PRIMA1: variants seen among roughly 807,000 people sequenced by gnomAD.
PRIMA1 encodes proline-rich membrane anchor 1.
In PRIMA1, 7 loss-of-function variants were observed where a neutral mutation model predicts 17.5. That is an observed-to-expected ratio of 0.40 (90% CI 0.23 to 0.75). The LOEUF is 0.75. Ranked by LOEUF, PRIMA1 falls within the 30% of genes least tolerant of loss-of-function variation. The pLI is 0.37. For missense variants in PRIMA1, 200 were observed against 201.8 expected (o/e 0.99, Z 0.05); for synonymous variants, 97 against 77.9 (o/e 1.25, Z -1.29).
intron 3 of PRIMA1, among the ~76,000 whole-genome samples, chr14:93,742,377 C>T (rs531556792): frequency 3.1e-4 from 47 of 152,234 alleles, no homozygotes; most frequent in Admixed American, 9.2e-4. Flanking sequence ...GAGGTCTCTC[C>T]CCAGGGGAAC....
At position 93,726,871 on chromosome 14, in the gene PRIMA1, G is replaced by A. The variant is rs1297293434; in HGVS notation, c.360-5325C>T. Among the ~76,000 whole-genome samples the A allele has an allele frequency of 6.6e-6, 1 of 152,078 alleles. No homozygotes were observed. The highest frequency in any genetic ancestry group is 2.4e-5 in the African/African-American group (1 of 41,394). ...CACACATATGCACACATACACATATGTGCACATGCATGCACACATACATAT... is the reference window on the plus strand; with the variant it reads ...CACACATATGCACACATACACATATATGCACATGCATGCACACATACATAT... On this transcript the variant is annotated intron_variant, in intron 4 of 4. Transcript: ENST00000393140. This position sits in a 1 kb window ranked among gnomAD's most constrained non-coding sequence, Gnocchi z 4.2.
chr14:93,741,263 A>G (rs1238264065), intron 3 of PRIMA1, among the ~76,000 whole-genome samples: 2 of 152,240 alleles, frequency 1.3e-5, no homozygotes, highest in African/African-American at 2.4e-5. Flanking sequence ...GTGTTATTTC[A>G]GAAAAGAGAA....
intron 3 of PRIMA1, among the ~76,000 whole-genome samples, chr14:93,767,009 GC>G (rs997950427): frequency 1.4e-4 from 22 of 152,316 alleles, no homozygotes; most frequent in African/African-American, 4.8e-4. Context: ...AAGTCTTGGA[GC>G]CCACTGATGG....
At chr14:93,778,953 T>C (rs1485461584) in intron 3 of PRIMA1, among the ~76,000 whole-genome samples, 1 of 151,968 alleles carries the variant, frequency 6.6e-6, no homozygotes, top group Non-Finnish European at 1.5e-5. Flanking sequence ...TTGACTTTTA[T>C]CTGATTAACT....
chr14:93,770,397 G>A (rs781445218), intron 3 of PRIMA1, among the ~76,000 whole-genome samples: 1 of 152,328 alleles, frequency 6.6e-6, no homozygotes, highest in South Asian at 2.1e-4. Flanking sequence ...CTGCCTCCCT[G>A]TGGGCTCACC....
At chr14:93,786,962 A>G (rs1006885595) in intron 2 of PRIMA1, among the ~76,000 whole-genome samples, 14 of 152,244 alleles carry the variant, frequency 9.2e-5, no homozygotes, top group African/African-American at 3.4e-4. Flanking sequence ...CTCAAATTCC[A>G]GAGCTGACAT....
intron 3 of PRIMA1, among the ~76,000 whole-genome samples, chr14:93,762,938 G>A (rs1292412538): frequency 6.6e-6 from 1 of 152,126 alleles, no homozygotes; most frequent in Non-Finnish European, 1.5e-5. Flanking sequence ...GTGCCAGCCT[G>A]CATTGGTCCT....
intron 3 of PRIMA1, among the ~76,000 whole-genome samples, chr14:93,741,571 C>T (rs574509779): frequency 5.1e-4 from 77 of 152,358 alleles, no homozygotes; most frequent in African/African-American, 1.7e-3. Context: ...CAGACGTAAA[C>T]TATGCCTTTA....
chr14:93,743,417 G>C (rs975275750), intron 3 of PRIMA1, among the ~76,000 whole-genome samples: 2 of 152,240 alleles, frequency 1.3e-5, no homozygotes, highest in Non-Finnish European at 2.9e-5. Flanking sequence ...GGCCTTGATT[G>C]TAGTCAGGTG....
intron 3 of PRIMA1, among the ~76,000 whole-genome samples, chr14:93,770,457 C>T (rs1196013263): frequency 6.6e-6 from 1 of 152,210 alleles, no homozygotes; most frequent in Non-Finnish European, 1.5e-5. Context: ...GCTCTTCACA[C>T]AGCCAGAGTG....
chr14:93,770,462 A>C (rs10151424), intron 3 of PRIMA1, among the ~76,000 whole-genome samples: 136,989 of 152,000 alleles, frequency 0.9, 62,419 homozygotes, highest in Non-Finnish European at 0.96. Context: ...TCACACAGCC[A>C]GAGTGCTTCT....
At chr14:93,768,153 C>T (rs1884948994) in intron 3 of PRIMA1, among the ~76,000 whole-genome samples, 1 of 152,136 alleles carries the variant, frequency 6.6e-6, no homozygotes, top group Non-Finnish European at 1.5e-5. Flanking sequence ...CTGGATGCGG[C>T]CTCTTGAAGA....
At chr14:93,748,007 T>A (rs1424069789) in intron 3 of PRIMA1, among the ~76,000 whole-genome samples, 3 of 149,616 alleles carry the variant, frequency 2.0e-5, no homozygotes, top group African/African-American at 7.4e-5. Flanking sequence ...AGAGTGTATA[T>A]GAGTGTGTGA....
rs1435677848 is a variant in PRIMA1 at position 93,784,717 on chromosome 14, T to G, written c.93+2909A>C. Among the ~76,000 whole-genome samples, 2 of 152,126 alleles carry G rather than the reference T, an allele frequency of 1.3e-5. 1 individual carries two copies. The highest frequency in any genetic ancestry group is 2.9e-5 in the Non-Finnish European group (2 of 68,030). On this transcript the variant is annotated intron_variant, in intron 2 of 4. Coordinates refer to ENST00000393140, the MANE Select transcript of PRIMA1 (RefSeq NM_178013.4). ...CATTTGCATCCTAACTTCTCATCCT[T>G]CATGTCTCAGCTGAAGCACCACACC...
Position 93,753,423 on chromosome 14 carries a change from C to T in PRIMA1, c.230-16053G>A, listed in dbSNP as rs570320840. 7.2e-5 allele frequency among the ~76,000 whole-genome samples: 11 copies of T among 152,308 alleles called. No individual in the cohort carries two copies. In the East Asian group the frequency reaches 1.9e-3, roughly 27 times the overall value. ...ATTCTAAATCTGAGAACAAGGAACCCATTCACTCTTGGGAGGGGCAGATGG... is the reference window on the plus strand; with the variant it reads ...ATTCTAAATCTGAGAACAAGGAACCTATTCACTCTTGGGAGGGGCAGATGG... On this transcript the variant is annotated intron_variant, in intron 3 of 4. Transcript: ENST00000393140.
chr14:93,728,469 G>A (rs1221955587), intron 4 of PRIMA1, among the ~76,000 whole-genome samples: 3 of 152,120 alleles, frequency 2.0e-5, no homozygotes, highest in Admixed American at 6.5e-5. Context: ...AGGGCGGAGA[G>A]GAGGAGAAAA....
In PRIMA1 at chr14:93,726,469, C is replaced by T. The variant is rs1359670547; in HGVS notation, c.360-4923G>A. 6.6e-6 allele frequency among the ~76,000 whole-genome samples: 1 copy of T among 152,056 alleles called. No homozygotes were observed. The highest frequency in any genetic ancestry group is 1.5e-5 in the Non-Finnish European group (1 of 67,992). On this transcript the variant is annotated intron_variant, in intron 4 of 4. Coordinates refer to ENST00000393140, the MANE Select transcript of PRIMA1 (RefSeq NM_178013.4). This position sits in a 1 kb window ranked among gnomAD's most constrained non-coding sequence, Gnocchi z 4.2. Reference sequence around the variant, plus strand: ...AGGTATTCATCCCCCGACTGCCCACCCCGACACCCTCCCACACCCATACAC... The same window carrying T: ...AGGTATTCATCCCCCGACTGCCCACTCCGACACCCTCCCACACCCATACAC...
chr14:93,724,399 T>C (rs2076061514), intron 4 of PRIMA1, among the ~76,000 whole-genome samples: 1 of 152,248 alleles, frequency 6.6e-6, no homozygotes. Flanking sequence ...CTACCTTGTT[T>C]ATGTCGGGAT....
At chr14:93,724,116 C>T (rs945096510) in intron 4 of PRIMA1, among the ~76,000 whole-genome samples, 1 of 152,124 alleles carries the variant, frequency 6.6e-6, no homozygotes, top group Non-Finnish European at 1.5e-5. Flanking sequence ...AACTCCTGGC[C>T]TCAAGTGATC....
Sources: allele counts gnomAD v4.1 joint callset (sites outside exome capture counted in the v4.1 genomes callset), GRCh38; gene constraint gnomAD v4.1.1; non-coding constraint Gnocchi (gnomAD v3.1); transcripts MANE v1.5; gene names NCBI Gene and HGNC (gene_info 2026-07-23, HGNC 2026-07-21).